Variants in ATG4B observed in about 807,000 individuals in gnomAD.
ATG4B encodes the protein autophagy related 4B cysteine peptidase, also known as cysteine protease ATG4B.
ATG4B carries 29 observed loss-of-function variants against 56.6 expected under a neutral mutation model. The ratio of observed to expected loss-of-function variants is 0.51; its 90% CI spans 0.38 to 0.70. The LOEUF is 0.70. Ranked by LOEUF, ATG4B falls within the 30% of genes least tolerant of loss-of-function variation. The pLI is 0.00. For synonymous variants in ATG4B, 224 were observed against 206.1 expected, an observed-to-expected ratio of 1.09 and a Z score of -0.74; for missense variants, 461 against 515.5, an observed-to-expected ratio of 0.89 and a Z score of 1.02.
At position 241,673,470 on chromosome 2, in the gene ATG4B, G is replaced by GCTGCTT. The variant is rs2069047692; in HGVS notation, c.*1207_*1212dup. The GCTGCTT allele has an allele frequency of 1.6e-4, 66 of 413,772 alleles. 1 individual carries two copies. The highest frequency in any genetic ancestry group is 1.1e-3 in the South Asian group (65 of 59,012). 25.6% of individuals were successfully genotyped at this position (413,772 alleles called of 1,614,324 possible). On this transcript the variant is annotated 3_prime_UTR_variant, in exon 13 of 13. Coordinates refer to ENST00000404914, the MANE Select transcript of ATG4B (RefSeq NM_013325.5). The stretch of plus-strand genomic sequence containing the variant: ...GTTGGCAGGACTCGCTGCTGCTGCT[G>GCTGCTT]CTGCTTGTGTAGGTCGGGGAGCCAG...
At chr2:241,648,535 C>T (rs929002238) in intron 1 of ATG4B, among the ~76,000 whole-genome samples, 2 of 149,314 alleles carry the variant, frequency 1.3e-5, no homozygotes, top group African/African-American at 5.0e-5. Flanking sequence ...TTTGAGGCTG[C>T]AGTAAGCTGT....
At chr2:241,648,783 C>T (rs2068140821) in intron 1 of ATG4B, among the ~76,000 whole-genome samples, 1 of 152,126 alleles carries the variant, frequency 6.6e-6, no homozygotes, top group Admixed American at 6.6e-5. Flanking sequence ...TAAACAGTGC[C>T]TGTAGGGCCC....
chr2:241,641,250 A>G (rs2067877444), intron 1 of ATG4B, among the ~76,000 whole-genome samples: 1 of 152,210 alleles, frequency 6.6e-6, no homozygotes, highest in Admixed American at 6.5e-5. Context: ...GGCCTGAGCT[A>G]AGCAACTCAG....
At chr2:241,644,361 G>A (rs979920961) in intron 1 of ATG4B, among the ~76,000 whole-genome samples, 1 of 152,104 alleles carries the variant, frequency 6.6e-6, no homozygotes, top group Non-Finnish European at 1.5e-5. Context: ...CAGAAGGAAC[G>A]TTTGGGAATG....
intron 1 of ATG4B, among the ~76,000 whole-genome samples, chr2:241,645,037 T>C (rs1017625217): frequency 1.3e-5 from 2 of 151,502 alleles, no homozygotes; most frequent in African/African-American, 4.9e-5. Context: ...GTCAGGGAGG[T>C]CTTTGTACCG....
chr2:241,654,932 C>T (rs2125128002), intron 5 of ATG4B: 1 of 570,744 alleles, frequency 1.8e-6, no homozygotes, highest in East Asian at 2.9e-5. Flanking sequence ...TTGGCCTCGC[C>T]CCATCAGTGA....
At chr2:241,658,318 G>T (rs939995995) in intron 6 of ATG4B, among the ~76,000 whole-genome samples, 2 of 151,984 alleles carry the variant, frequency 1.3e-5, no homozygotes, top group Non-Finnish European at 2.9e-5. Flanking sequence ...TGGGGCAGGG[G>T]GGCAGTGGGG....
rs779785320 is a variant in ATG4B at position 241,637,701 on chromosome 2, G to A, written c.-14G>A. The stretch of plus-strand genomic sequence containing the variant: ...GCGACGCCGCTCGGGTCAGTCGGCG[G>A]CCGGACTGGGAAGATGGACGCAGGT... On this transcript the variant is annotated 5_prime_UTR_variant, in exon 1 of 13. Coordinates refer to ENST00000404914, the MANE Select transcript of ATG4B (RefSeq NM_013325.5). The A allele has an allele frequency of 6.4e-5, 101 of 1,584,206 alleles. No individual in the cohort carries two copies. The South Asian group carries it at 1.1e-3, about 17-fold the overall frequency.
chr2:241,651,984 G>C lies in ATG4B; in HGVS notation c.184+649G>C. On this transcript the variant is annotated intron_variant, in intron 3 of 12. Transcript: ENST00000404914. The surrounding 1 kb of genome is among the most constrained non-coding windows in gnomAD (Gnocchi z 4.1). Reference sequence around the variant, plus strand: ...AGAACTGAGGCCGGAGGTGAGGGCCGGGCTGGCGTCATGCTTCCTCAGTGC... The same window carrying C: ...AGAACTGAGGCCGGAGGTGAGGGCCCGGCTGGCGTCATGCTTCCTCAGTGC... 1 of 1,303,598 alleles carries C rather than the reference G, an allele frequency of 7.7e-7. No homozygotes were observed. Among genetic ancestry groups the C allele is most frequent in the Non-Finnish European group, 1.0e-6 (1 of 988,530 alleles). The allele number at this position is 1,303,598 out of a possible 1,614,324, so 80.8% of individuals were successfully genotyped here.
chr2:241,638,977 C>T (rs774547209), intron 1 of ATG4B, among the ~76,000 whole-genome samples: 10 of 152,216 alleles, frequency 6.6e-5, no homozygotes, highest in Non-Finnish European at 1.2e-4. Context: ...CTCCGGCTGG[C>T]GAGGCCCCTG....
chr2:241,671,538 GC>G, intron 12 of ATG4B, 133 bp downstream of exon 12: 1 of 1,540,662 alleles, frequency 6.5e-7, no homozygotes. Flanking sequence ...GCAGTGGTTC[GC>G]CTGTGAGACC....
At chr2:241,647,714 A>G (rs532333006) in intron 1 of ATG4B, among the ~76,000 whole-genome samples, 10 of 152,000 alleles carry the variant, frequency 6.6e-5, no homozygotes, top group South Asian at 2.1e-4. Context: ...TTTAGTCTAT[A>G]TATTGAATAA....
At chr2:241,659,058 C>T (rs200868262) in intron 6 of ATG4B, 50 bp from the exon 7 acceptor site, 30 of 1,415,808 alleles carry the variant, frequency 2.1e-5, no homozygotes, top group Admixed American at 1.3e-4. Flanking sequence ...CAAAGATGAA[C>T]CGTCTTTGAA....
In ATG4B at chr2:241,670,105, A is replaced by G. The variant is rs1363329122; in HGVS notation, c.958-621A>G. On this transcript the variant is annotated intron_variant, in intron 10 of 12. Transcript: ENST00000404914. ...GCGGCAGAATGGTGTCTTCAGGGGA[A>G]GAGAGTGCCCAGTTTGAGCTTCTCC... is the stretch of plus-strand genomic sequence containing the variant. Among the ~76,000 whole-genome samples the G allele has an allele frequency of 2.6e-5, 4 of 152,354 alleles. No homozygotes were observed. The East Asian group carries it at 7.7e-4, about 29-fold the overall frequency.
chr2:241,662,814 C>T (rs1046940250), intron 7 of ATG4B, among the ~76,000 whole-genome samples: 14 of 151,636 alleles, frequency 9.2e-5, no homozygotes, highest in African/African-American at 2.2e-4. Context: ...CGGTGGCTCA[C>T]GCCTATAATC....
intron 1 of ATG4B, among the ~76,000 whole-genome samples, chr2:241,645,949 C>T (rs1216693814): frequency 6.6e-6 from 1 of 152,140 alleles, no homozygotes; most frequent in Non-Finnish European, 1.5e-5. Flanking sequence ...GTCACGTTCG[C>T]CGTGGCTGCG....
At chr2:241,648,981 C>T (rs1259546529) in intron 1 of ATG4B, among the ~76,000 whole-genome samples, 2 of 152,250 alleles carry the variant, frequency 1.3e-5, no homozygotes, top group Non-Finnish European at 2.9e-5. Flanking sequence ...GCCCTTCTGT[C>T]TGCCAGCCAG....
Position 241,672,417 on chromosome 2 carries a change from T to C in ATG4B, c.*153T>C, listed in dbSNP as rs1359999437. On this transcript the variant is annotated 3_prime_UTR_variant, in exon 13 of 13. Coordinates refer to ENST00000404914, the MANE Select transcript of ATG4B (RefSeq NM_013325.5). ...CTGTGCTCGTGGACTGAGGCTGCGC[T>C]GCCCGGGAGGCCTTACTGCTTGGTG... 2.9e-6 allele frequency: 2 copies of C among 693,178 alleles called. No homozygotes were observed. The highest frequency in any genetic ancestry group is 1.8e-5 in the African/African-American group (1 of 55,574). The allele number at this position is 693,178 out of a possible 1,614,324, so 42.9% of individuals were successfully genotyped here. A position where few individuals can be genotyped will look rare whatever the true frequency, so the allele number is the denominator to read the frequency against.
At chr2:241,671,189 GTT>G in intron 11 of ATG4B, 121 bp from the exon 12 acceptor site, 2 of 850,420 alleles carry the variant, frequency 2.4e-6, no homozygotes, top group East Asian at 5.3e-5. Flanking sequence ...AGCTGCCTCT[GTT>G]TTCTCATCAG....
Sources: allele counts gnomAD v4.1 joint callset (sites outside exome capture counted in the v4.1 genomes callset), GRCh38; gene constraint gnomAD v4.1.1; non-coding constraint Gnocchi (gnomAD v3.1); transcripts MANE v1.5; gene names NCBI Gene and HGNC (gene_info 2026-07-23, HGNC 2026-07-21).